The following PDE1A variants were observed in gnomAD, a reference collection of about 807,000 sequenced individuals.
The protein encoded by PDE1A is dual specificity calcium/calmodulin-dependent 3',5'-cyclic nucleotide phosphodiesterase 1A.
In PDE1A, 35 loss-of-function variants were observed where a neutral mutation model predicts 61.7. That is an observed-to-expected ratio of 0.57 (90% CI 0.43 to 0.75). The LOEUF (loss-of-function observed/expected upper bound fraction) is 0.75. Ranked by LOEUF, PDE1A falls within the 30% of genes least tolerant of loss-of-function variation. PDE1A has a pLI of 0.00. For missense variants in PDE1A, 597 were observed against 630.6 expected, an observed-to-expected ratio of 0.95 and a Z score of 0.57; for synonymous variants, 232 against 213.2, an observed-to-expected ratio of 1.09 and a Z score of -0.77.
chr2:182,660,171 A>G, the PDE1A span, among the ~76,000 whole-genome samples: 1 of 152,242 alleles, frequency 6.6e-6, no homozygotes, highest in Non-Finnish European at 1.5e-5. Flanking sequence ...GATGGTCCCC[A>G]GCCTTATCTA....
chr2:182,548,072 T>C, the PDE1A span, among the ~76,000 whole-genome samples: 1 of 152,132 alleles, frequency 6.6e-6, no homozygotes, highest in Admixed American at 6.5e-5. Flanking sequence ...AAAATAAACA[T>C]CTCCTTTCCC....
the PDE1A span, among the ~76,000 whole-genome samples, chr2:182,700,693 G>A: frequency 1.7e-5 from 2 of 118,142 alleles, no homozygotes; most frequent in Non-Finnish European, 3.5e-5. Context: ...CTGCACTCCA[G>A]CCTGGGCGAC....
chr2:182,230,452 C>T (rs1689487229), intron 5 of PDE1A, among the ~76,000 whole-genome samples: 1 of 152,036 alleles, frequency 6.6e-6, no homozygotes, highest in South Asian at 2.1e-4. Flanking sequence ...TAAATATTTC[C>T]AGTTACAATT....
chr2:182,518,637 C>G (rs1036808106), intron 2 of PDE1A, among the ~76,000 whole-genome samples: 2 of 152,110 alleles, frequency 1.3e-5, no homozygotes, highest in Non-Finnish European at 2.9e-5. Context: ...GATTCTAGTA[C>G]TATGTTTATA....
chr2:182,662,421 C>A, the PDE1A span, among the ~76,000 whole-genome samples: 3 of 151,658 alleles, frequency 2.0e-5, no homozygotes, highest in African/African-American at 7.3e-5. Flanking sequence ...AGGCATCACA[C>A]TACCCTGCTT....
chr2:182,451,858 T>G (rs901457989), intron 2 of PDE1A, among the ~76,000 whole-genome samples: 1 of 152,092 alleles, frequency 6.6e-6, no homozygotes, highest in Non-Finnish European at 1.5e-5. Context: ...ACTGCTTTCC[T>G]CCAAGCACCT....
chr2:182,513,442 T>G (rs1689936431), intron 2 of PDE1A, among the ~76,000 whole-genome samples: 1 of 152,120 alleles, frequency 6.6e-6, no homozygotes, highest in African/African-American at 2.4e-5. Flanking sequence ...AAGAGGTCCT[T>G]AAGGGAGTGC....
chr2:182,311,334 A>AT (rs1216685507), intron 1 of PDE1A, among the ~76,000 whole-genome samples: 5 of 152,210 alleles, frequency 3.3e-5, no homozygotes, highest in African/African-American at 1.2e-4. Context: ...GCATAAATAT[A>AT]TTTTTTAAAA....
intron 1 of PDE1A, among the ~76,000 whole-genome samples, chr2:182,389,343 G>C (rs1425478447): frequency 1.3e-5 from 2 of 152,058 alleles, no homozygotes; most frequent in Non-Finnish European, 2.9e-5. Flanking sequence ...TATCTGAAAA[G>C]GGTGTTTTGA....
At chr2:182,185,171 G>A (rs1559151830) in intron 13 of PDE1A, among the ~76,000 whole-genome samples, 1 of 152,126 alleles carries the variant, frequency 6.6e-6, no homozygotes, top group Non-Finnish European at 1.5e-5. Context: ...AGACCCTGGA[G>A]TATTTTAAGA....
At chr2:182,654,486 C>T in the PDE1A span, among the ~76,000 whole-genome samples, 11 of 152,280 alleles carry the variant, frequency 7.2e-5, no homozygotes, top group African/African-American at 2.6e-4. Flanking sequence ...AGCATCTGCT[C>T]TTCCAAGGTG....
the PDE1A span, among the ~76,000 whole-genome samples, chr2:182,663,918 G>A: frequency 2.6e-5 from 4 of 151,954 alleles, no homozygotes; most frequent in African/African-American, 9.7e-5. Flanking sequence ...AACATTAAGA[G>A]TCCCCATTTT....
chr2:182,400,005 G>A (rs1164585461), intron 1 of PDE1A, among the ~76,000 whole-genome samples: 4 of 151,628 alleles, frequency 2.6e-5, no homozygotes, highest in African/African-American at 4.8e-5. Context: ...TTCCTCAAGA[G>A]ATAGTAAAAA....
At position 182,176,165 on chromosome 2, in the gene PDE1A, C is replaced by T. The variant is rs1384714808; in HGVS notation, c.1517-7875G>A. ...TTGGCTTAGGATTGACTTGGCGATG[C>T]GGGCTCTTTTTTGGTTCCATAGGAA... On this transcript the variant is annotated intron_variant, in intron 13 of 13. Coordinates refer to ENST00000351439, the Ensembl canonical transcript of PDE1A. Among the ~76,000 whole-genome samples the T allele has an allele frequency of 4.7e-5, 7 of 147,878 alleles. 1 individual carries two copies. Among genetic ancestry groups the T allele is most frequent in the Admixed American group, 2.0e-4 (3 of 15,072 alleles).
chr2:182,437,135 C>T (rs1482353721), intron 2 of PDE1A, among the ~76,000 whole-genome samples: 3 of 151,788 alleles, frequency 2.0e-5, no homozygotes, highest in Non-Finnish European at 4.4e-5. Context: ...TTAAATTTTG[C>T]CATTTGTTTG....
chr2:182,681,162 T>G, the PDE1A span, among the ~76,000 whole-genome samples: 2 of 151,858 alleles, frequency 1.3e-5, no homozygotes, highest in Non-Finnish European at 2.9e-5. Context: ...TTTTTGTTTT[T>G]TTTTTTTTGT....
chr2:182,303,673 T>C (rs1574299111), intron 1 of PDE1A, among the ~76,000 whole-genome samples: 1 of 152,198 alleles, frequency 6.6e-6, no homozygotes, highest in African/African-American at 2.4e-5. Flanking sequence ...AGTCAATGTC[T>C]GGCTTCAAAG....
upstream of PDE1A, among the ~76,000 whole-genome samples, chr2:182,430,800 C>G (rs2125632622): frequency 7.5e-6 from 1 of 132,778 alleles, no homozygotes; most frequent in East Asian, 2.3e-4. Context: ...AGTTCATGTC[C>G]TTTGTAGGGA....
At chr2:182,300,484 T>C (rs760575051) in intron 1 of PDE1A, among the ~76,000 whole-genome samples, 2 of 152,136 alleles carry the variant, frequency 1.3e-5, no homozygotes, top group Admixed American at 6.6e-5. Flanking sequence ...AGCCTTCCCA[T>C]TGGGCAGAGT....
Sources: allele counts gnomAD v4.1 joint callset (sites outside exome capture counted in the v4.1 genomes callset), GRCh38; gene constraint gnomAD v4.1.1; transcripts MANE v1.5; gene names NCBI Gene and HGNC (gene_info 2026-07-23, HGNC 2026-07-21).